SLC1A1: variants seen among roughly 807,000 people sequenced by gnomAD.
SLC1A1 encodes solute carrier family 1 member 1, also known as excitatory amino acid transporter 3.
In SLC1A1, 43 loss-of-function variants were observed where a neutral mutation model predicts 53.3. That is an observed-to-expected ratio of 0.81 (90% CI 0.63 to 1.04). The LOEUF (loss-of-function observed/expected upper bound fraction) is 1.04, where lower values mean the gene tolerates loss of function less well. Among genes scored for constraint, SLC1A1 ranks in the 50% least tolerant of loss-of-function variants. The pLI is 0.00. For synonymous variants in SLC1A1, 307 were observed against 243.2 expected (o/e 1.26, Z -2.44); for missense variants, 748 against 664.9 (o/e 1.12, Z -1.37).
intron 2 of SLC1A1, among the ~76,000 whole-genome samples, chr9:4,555,249 G>A (rs1313841374): frequency 6.6e-6 from 1 of 152,144 alleles, no homozygotes; most frequent in African/African-American, 2.4e-5. Context: ...TCTTGGATGT[G>A]GTGTCCACTT....
At chr9:4,575,244 C>T (rs1447027544) in intron 8 of SLC1A1, among the ~76,000 whole-genome samples, 2 of 152,306 alleles carry the variant, frequency 1.3e-5, no homozygotes, top group East Asian at 1.9e-4. Context: ...CATAACTGAT[C>T]TGTAAACTCT....
rs772263624 is a variant in SLC1A1 at position 4,576,144 on chromosome 9, T to C, written c.998+21T>C. 8 of 1,612,088 alleles carry C rather than the reference T, an allele frequency of 5.0e-6. No individual in the cohort carries two copies. The South Asian group carries it at 8.8e-5, about 18-fold the overall frequency. ...TCCAGGTAAACAGAAGAGGGGTTTCTGGAAGAAGCCTCCAGGCTCAACGTT... is the reference window on the plus strand; with the variant it reads ...TCCAGGTAAACAGAAGAGGGGTTTCCGGAAGAAGCCTCCAGGCTCAACGTT... On this transcript the variant is annotated intron_variant, in intron 9 of 11. Transcript: ENST00000262352.
At chr9:4,568,417 C>CAA (rs761098688) in intron 6 of SLC1A1, among the ~76,000 whole-genome samples, 6 of 105,856 alleles carry the variant, frequency 5.7e-5, no homozygotes, top group African/African-American at 1.0e-4. Flanking sequence ...GACCCTGTCT[C>CAA]AAAAAAAAAA....
intron 6 of SLC1A1, among the ~76,000 whole-genome samples, chr9:4,570,101 G>A (rs1819881729): frequency 6.6e-6 from 1 of 152,074 alleles, no homozygotes; most frequent in Non-Finnish European, 1.5e-5. Context: ...TTTTTCTCCT[G>A]GCTGCTGATT....
intron 3 of SLC1A1, 136 bp from the exon 4 acceptor site, chr9:4,564,208 C>T: frequency 1.4e-6 from 1 of 695,540 alleles, no homozygotes; most frequent in East Asian, 2.7e-5. Flanking sequence ...GGAGGCTCAG[C>T]ATTTTGGCTG....
intron 1 of SLC1A1, among the ~76,000 whole-genome samples, chr9:4,509,572 A>T (rs899951030): frequency 6.6e-6 from 1 of 151,646 alleles, no homozygotes; most frequent in Non-Finnish European, 1.5e-5. Flanking sequence ...AAAAAAAAAA[A>T]CCCAACCTCT....
At chr9:4,517,354 T>C (rs1416603608) in intron 1 of SLC1A1, among the ~76,000 whole-genome samples, 1 of 152,218 alleles carries the variant, frequency 6.6e-6, no homozygotes, top group Admixed American at 6.5e-5. Flanking sequence ...CTTGTTCTCT[T>C]GTCTTCTGTC....
At chr9:4,554,257 G>C (rs1818179212) in intron 2 of SLC1A1, 2 of 152,266 alleles carry the variant, frequency 1.3e-5, no homozygotes, top group South Asian at 4.1e-4. Context: ...ATCCAGGGCA[G>C]TCAGCCATAC....
At chr9:4,542,858 T>A (rs549176949) in intron 1 of SLC1A1, among the ~76,000 whole-genome samples, 1 of 152,312 alleles carries the variant, frequency 6.6e-6, no homozygotes, top group Admixed American at 6.5e-5. Flanking sequence ...GCATTGATAA[T>A]AGAGTTTTGT....
chr9:4,575,867 C>T, intron 8 of SLC1A1, 134 bp from the exon 9 acceptor site: 1 of 935,148 alleles, frequency 1.1e-6, no homozygotes, highest in Non-Finnish European at 1.7e-6. Flanking sequence ...TATATTCCTG[C>T]CCTACTCCCA....
Position 4,490,780 on chromosome 9 carries a change from G to C in SLC1A1, c.91+10G>C, listed in dbSNP as rs753091437. 1 of 1,608,326 alleles carries C rather than the reference G, an allele frequency of 6.2e-7. No homozygotes were observed. Among genetic ancestry groups the C allele is most frequent in the Admixed American group, 1.7e-5 (1 of 59,812 alleles). ...GCCGCGGTGGTGCTAGGTGAGCGGC[G>C]CGGCGGGTGGGCGATGCGCGCACCC... On this transcript the variant is annotated intron_variant, in intron 1 of 11. Transcript: ENST00000262352.
At chr9:4,507,476 T>C (rs1412838287) in intron 1 of SLC1A1, among the ~76,000 whole-genome samples, 2 of 152,214 alleles carry the variant, frequency 1.3e-5, no homozygotes, top group Non-Finnish European at 2.9e-5. Context: ...TTAAATTCTT[T>C]AAATTCTTAA....
At chr9:4,546,122 C>T (rs1339666819) in intron 2 of SLC1A1, among the ~76,000 whole-genome samples, 1 of 152,140 alleles carries the variant, frequency 6.6e-6, no homozygotes, top group Non-Finnish European at 1.5e-5. Flanking sequence ...GAAGAGCTGT[C>T]ACATTTGGCC....
At chr9:4,563,817 G>A (rs1474656544) in intron 3 of SLC1A1, among the ~76,000 whole-genome samples, 1 of 152,006 alleles carries the variant, frequency 6.6e-6, no homozygotes. Context: ...TCCACCCCCG[G>A]AACAGCATTT....
intron 8 of SLC1A1, among the ~76,000 whole-genome samples, chr9:4,574,458 G>A (rs374723318): frequency 1.9e-4 from 29 of 152,128 alleles, no homozygotes; most frequent in African/African-American, 6.8e-4. Flanking sequence ...GATGGCTGTT[G>A]GTTCAAACAC....
chr9:4,516,790 A>G (rs796229955), intron 1 of SLC1A1, among the ~76,000 whole-genome samples: 98 of 152,312 alleles, frequency 6.4e-4, no homozygotes, highest in African/African-American at 2.2e-3. Flanking sequence ...TATCCTCACA[A>G]TGAACCCATT....
chr9:4,534,638 G>A (rs1386479623), intron 1 of SLC1A1, among the ~76,000 whole-genome samples: 1 of 151,992 alleles, frequency 6.6e-6, no homozygotes, highest in Non-Finnish European at 1.5e-5. Context: ...GAGGTACAAG[G>A]AGGTGCTGGT....
intron 1 of SLC1A1, among the ~76,000 whole-genome samples, chr9:4,530,648 G>A (rs990457979): frequency 1.3e-5 from 2 of 152,146 alleles, no homozygotes; most frequent in Non-Finnish European, 2.9e-5. Context: ...ACAAAACAGT[G>A]CAAACCACAT....
chr9:4,490,860 C>G (rs1211538062), intron 1 of SLC1A1, 90 bp downstream of exon 1: 2 of 1,112,508 alleles, frequency 1.8e-6, no homozygotes, highest in South Asian at 1.3e-5. Context: ...TTGGCGCTGG[C>G]GCACTCCATG....
Sources: allele counts gnomAD v4.1 joint callset (sites outside exome capture counted in the v4.1 genomes callset), GRCh38; gene constraint gnomAD v4.1.1; transcripts MANE v1.5; gene names NCBI Gene and HGNC (gene_info 2026-07-23, HGNC 2026-07-21).